Variants in VDAC1 observed in about 807,000 individuals in gnomAD.
VDAC1 encodes voltage dependent anion channel 1.
In VDAC1, 10 loss-of-function variants were observed where a neutral mutation model predicts 34.7. The ratio of observed to expected loss-of-function variants is 0.29; its 90% CI spans 0.18 to 0.49. VDAC1 has a LOEUF of 0.49. Among genes scored for constraint, VDAC1 ranks in the 20% least tolerant of loss-of-function variants. The pLI, the probability that VDAC1 is intolerant of heterozygous loss-of-function variation, is 0.99. For synonymous variants in VDAC1, 130 were observed against 136.0 expected, an observed-to-expected ratio of 0.96 and a Z score of 0.30; for missense variants, 230 against 347.9, an observed-to-expected ratio of 0.66 and a Z score of 2.69.
the VDAC1 span, among the ~76,000 whole-genome samples, chr5:134,057,825 T>A: frequency 6.6e-6 from 1 of 152,222 alleles, no homozygotes; most frequent in East Asian, 1.9e-4. Context: ...CACTGGATAT[T>A]TTTAGTCCTT....
chr5:134,081,258 T>G, the VDAC1 span, among the ~76,000 whole-genome samples: 1 of 152,080 alleles, frequency 6.6e-6, no homozygotes, highest in South Asian at 2.1e-4. Flanking sequence ...AGGCTGGTCT[T>G]GAACTCCTGA....
the VDAC1 span, among the ~76,000 whole-genome samples, chr5:134,056,768 C>A: frequency 1.3e-5 from 2 of 152,326 alleles, no homozygotes; most frequent in South Asian, 4.1e-4. Context: ...TCACCGCAAC[C>A]TCCGCCTCCC....
At chr5:133,975,828 A>T in intron 7 of VDAC1, 43 bp downstream of exon 7, 2 of 1,608,008 alleles carry the variant, frequency 1.2e-6, no homozygotes, top group Non-Finnish European at 1.7e-6. Flanking sequence ...CATAAAGAGC[A>T]GATGGGCCTG....
chr5:134,010,279 C>G, the VDAC1 span, among the ~76,000 whole-genome samples: 1 of 152,006 alleles, frequency 6.6e-6, no homozygotes, highest in Non-Finnish European at 1.5e-5. Context: ...TCACTCACAA[C>G]CTTGAGGAAA....
At chr5:134,017,287 A>C in the VDAC1 span, among the ~76,000 whole-genome samples, 2 of 151,896 alleles carry the variant, frequency 1.3e-5, no homozygotes, top group African/African-American at 4.8e-5. Flanking sequence ...ACCAACATGG[A>C]GAAACCCCAT....
In VDAC1 at chr5:133,975,146, T is replaced by C. The variant is rs192703120; in HGVS notation, c.702+725A>G. Among the ~76,000 whole-genome samples, 9 of 152,162 alleles carry C rather than the reference T, an allele frequency of 5.9e-5. No homozygotes were observed. The East Asian group carries it at 7.7e-4, about 13-fold the overall frequency. On this transcript the variant is annotated intron_variant, in intron 7 of 8. Coordinates refer to ENST00000265333, the MANE Select transcript of VDAC1 (RefSeq NM_003374.3). ...TTAGCCAGGCATGCTGGTGTGCCTA[T>C]AGTCCCAGCTACTTGGGAGGCTGAG... is the stretch of plus-strand genomic sequence containing the variant.
chr5:133,996,413 C>A (rs1441657647), intron 1 of VDAC1, among the ~76,000 whole-genome samples: 1 of 152,174 alleles, frequency 6.6e-6, no homozygotes, highest in Non-Finnish European at 1.5e-5. Flanking sequence ...CCGGCCCATA[C>A]TGGAAGCACA....
At chr5:134,058,821 C>A in the VDAC1 span, among the ~76,000 whole-genome samples, 2 of 152,170 alleles carry the variant, frequency 1.3e-5, no homozygotes, top group Non-Finnish European at 2.9e-5. Flanking sequence ...GCAACGTGAC[C>A]GGCACTCCAA....
upstream of VDAC1, among the ~76,000 whole-genome samples, chr5:134,006,143 G>A (rs1391698748): frequency 1.3e-5 from 2 of 152,172 alleles, no homozygotes; most frequent in East Asian, 1.9e-4. Context: ...TGGGGGAGGG[G>A]TGACTGGGAA....
the VDAC1 span, among the ~76,000 whole-genome samples, chr5:134,077,050 G>A: frequency 2.0e-5 from 3 of 152,114 alleles, no homozygotes; most frequent in South Asian, 4.2e-4. Context: ...AGGCCGAGGC[G>A]GCCAGATCAC....
chr5:134,028,710 C>T, the VDAC1 span, among the ~76,000 whole-genome samples: 1 of 152,178 alleles, frequency 6.6e-6, no homozygotes, highest in Non-Finnish European at 1.5e-5. Flanking sequence ...TGGGAAGGGA[C>T]CTTGCGGCCA....
the VDAC1 span, among the ~76,000 whole-genome samples, chr5:134,067,334 C>A: frequency 3.4e-3 from 515 of 150,060 alleles, 4 homozygotes; most frequent in African/African-American, 0.012. Context: ...CTCGGCCTCC[C>A]AAAGTGCTGG....
the VDAC1 span, among the ~76,000 whole-genome samples, chr5:134,095,177 T>C: frequency 6.6e-6 from 1 of 152,150 alleles, no homozygotes; most frequent in African/African-American, 2.4e-5. Context: ...CATGCAAATA[T>C]ACGTCTCAAA....
At chr5:134,029,228 C>T in the VDAC1 span, among the ~76,000 whole-genome samples, 1 of 152,188 alleles carries the variant, frequency 6.6e-6, no homozygotes, top group Non-Finnish European at 1.5e-5. Context: ...AGATGGCTGC[C>T]CCTGACCAAC....
At chr5:134,095,318 C>T in the VDAC1 span, among the ~76,000 whole-genome samples, 302 of 151,760 alleles carry the variant, frequency 2.0e-3, 1 homozygote, top group African/African-American at 6.9e-3. Flanking sequence ...CCCATCTCTA[C>T]AAAAAATTTT....
the VDAC1 span, among the ~76,000 whole-genome samples, chr5:134,065,833 G>A: frequency 1.9e-5 from 1 of 51,594 alleles, no homozygotes; most frequent in Non-Finnish European, 3.5e-5. Context: ...TCACTCTTTT[G>A]CCCAGGCTGG....
chr5:133,992,678 C>T (rs1008271364), intron 2 of VDAC1, among the ~76,000 whole-genome samples: 6 of 152,296 alleles, frequency 3.9e-5, no homozygotes, highest in African/African-American at 1.4e-4. Context: ...AGAAGCCGCG[C>T]TCCACTGCAG....
the VDAC1 span, among the ~76,000 whole-genome samples, chr5:134,029,213 C>G: frequency 2.0e-5 from 3 of 152,222 alleles, no homozygotes; most frequent in Non-Finnish European, 2.9e-5. Context: ...CCCAGCGAAG[C>G]CTTCAGATGG....
intron 6 of VDAC1, among the ~76,000 whole-genome samples, chr5:133,980,060 T>G (rs952693190): frequency 1.3e-5 from 2 of 152,198 alleles, no homozygotes; most frequent in East Asian, 3.8e-4. Context: ...TGGAAAGAAA[T>G]AAACATGGTA....
Sources: allele counts gnomAD v4.1 joint callset (sites outside exome capture counted in the v4.1 genomes callset), GRCh38; gene constraint gnomAD v4.1.1; transcripts MANE v1.5; gene names NCBI Gene and HGNC (gene_info 2026-07-23, HGNC 2026-07-21).